The following RBFOX1 variants were observed in gnomAD, a reference collection of about 807,000 sequenced individuals.
The protein encoded by RBFOX1 is RNA binding protein fox-1 homolog 1.
In RBFOX1, 8 loss-of-function variants were observed where a neutral mutation model predicts 57.7. The observed-to-expected ratio is 0.14, with a 90% CI of 0.08 to 0.25. The LOEUF is 0.25. Among genes scored for constraint, RBFOX1 ranks in the 10% least tolerant of loss-of-function variants. RBFOX1 has a pLI of 1.00. For missense variants in RBFOX1, 611 were observed against 548.5 expected, an observed-to-expected ratio of 1.11 and a Z score of -1.14; for synonymous variants, 326 against 222.4, an observed-to-expected ratio of 1.47 and a Z score of -4.15.
At chr16:7,704,968 C>G (rs964177673) in intron 14 of RBFOX1, among the ~76,000 whole-genome samples, 1 of 150,832 alleles carries the variant, frequency 6.6e-6, no homozygotes, top group Admixed American at 6.6e-5. Context: ...CGCTTGAACC[C>G]AGAAGGCAGA....
At chr16:6,594,762 C>T (rs905076826) in intron 2 of RBFOX1, among the ~76,000 whole-genome samples, 7 of 151,946 alleles carry the variant, frequency 4.6e-5, no homozygotes, top group African/African-American at 1.7e-4. Flanking sequence ...ACAAAATTCA[C>T]CTATTTAAAG....
intron 4 of RBFOX1, among the ~76,000 whole-genome samples, chr16:7,412,159 C>G (rs569617778): frequency 3.9e-5 from 6 of 152,118 alleles, no homozygotes; most frequent in African/African-American, 1.4e-4. Flanking sequence ...ATTGGCTGGA[C>G]ACCGTCGCTC....
At chr16:5,397,730 A>C (rs889855844) in intron 1 of RBFOX1, among the ~76,000 whole-genome samples, 1 of 152,246 alleles carries the variant, frequency 6.6e-6, no homozygotes, top group Non-Finnish European at 1.5e-5. Context: ...CACACATGAT[A>C]AGACCATTAA....
At chr16:6,789,075 A>T (rs1015043235) in intron 3 of RBFOX1, among the ~76,000 whole-genome samples, 1 of 152,114 alleles carries the variant, frequency 6.6e-6, no homozygotes, top group Non-Finnish European at 1.5e-5. Context: ...TTGCCTATTA[A>T]ACAGGGAAGC....
intron 3 of RBFOX1, among the ~76,000 whole-genome samples, chr16:6,984,170 C>G (rs1390921921): frequency 6.6e-6 from 1 of 152,092 alleles, no homozygotes; most frequent in East Asian, 1.9e-4. Context: ...TTGCTTGAAC[C>G]CTGGAGGCAG....
intron 2 of RBFOX1, among the ~76,000 whole-genome samples, chr16:6,397,969 G>T (rs116256051): frequency 0.032 from 4,900 of 152,094 alleles, 235 homozygotes; most frequent in African/African-American, 0.11. Flanking sequence ...GAGAAACAAC[G>T]GCATAACAAA....
chr16:7,075,382 G>T (rs113015385), intron 4 of RBFOX1, among the ~76,000 whole-genome samples: 53 of 152,300 alleles, frequency 3.5e-4, no homozygotes, highest in African/African-American at 1.2e-3. Flanking sequence ...TTCAGTTGCT[G>T]TGTTGCCTTG....
intron 1 of RBFOX1, among the ~76,000 whole-genome samples, chr16:5,369,801 C>T (rs560822663): frequency 2.0e-4 from 31 of 152,258 alleles, no homozygotes; most frequent in Admixed American, 4.6e-4. Flanking sequence ...TGCTTCTAGA[C>T]GCTATCATTT....
At chr16:7,401,824 G>T (rs2098249108) in intron 4 of RBFOX1, among the ~76,000 whole-genome samples, 1 of 152,154 alleles carries the variant, frequency 6.6e-6, no homozygotes, top group Non-Finnish European at 1.5e-5. Flanking sequence ...ACCTAGCACA[G>T]GAGGCCAAAA....
At chr16:6,546,919 A>C (rs963617742) in intron 2 of RBFOX1, among the ~76,000 whole-genome samples, 5 of 152,178 alleles carry the variant, frequency 3.3e-5, no homozygotes, top group African/African-American at 1.2e-4. Context: ...ACAGTTTTCA[A>C]ACCCTTAAAT....
At chr16:6,088,490 A>G (rs1211935499) in intron 1 of RBFOX1, among the ~76,000 whole-genome samples, 3 of 151,522 alleles carry the variant, frequency 2.0e-5, no homozygotes, top group Non-Finnish European at 4.4e-5. Flanking sequence ...CCATCCATGC[A>G]TCCTCCCTCC....
At chr16:6,992,703 T>C (rs929342350) in intron 3 of RBFOX1, among the ~76,000 whole-genome samples, 3 of 152,080 alleles carry the variant, frequency 2.0e-5, no homozygotes, top group Non-Finnish European at 4.4e-5. Flanking sequence ...AGAAACCAGC[T>C]AATGATTTTA....
intron 5 of RBFOX1, among the ~76,000 whole-genome samples, chr16:7,532,456 A>T (rs1040215464): frequency 1.3e-5 from 2 of 152,180 alleles, no homozygotes; most frequent in African/African-American, 4.8e-5. Flanking sequence ...TGAGACATTG[A>T]AGCTCTTGAC....
At chr16:5,534,403 C>T (rs1038501551) in intron 2 of RBFOX1, among the ~76,000 whole-genome samples, 7 of 152,110 alleles carry the variant, frequency 4.6e-5, no homozygotes, top group Admixed American at 3.9e-4. Context: ...TGGCTCAGTC[C>T]GAGTCCAGAT....
intron 1 of RBFOX1, among the ~76,000 whole-genome samples, chr16:6,025,793 G>A (rs2095180399): frequency 6.6e-6 from 1 of 152,188 alleles, no homozygotes; most frequent in African/African-American, 2.4e-5. Context: ...GAAGGTTGAG[G>A]TGCAATTTGT....
chr16:5,514,856 G>A (rs144826876), intron 2 of RBFOX1, among the ~76,000 whole-genome samples: 6 of 152,230 alleles, frequency 3.9e-5, no homozygotes, highest in Admixed American at 6.5e-5. Flanking sequence ...TACTATAAAG[G>A]AATACCTGAT....
At chr16:6,184,410 G>A (rs1441386481) in intron 1 of RBFOX1, among the ~76,000 whole-genome samples, 11 of 152,192 alleles carry the variant, frequency 7.2e-5, no homozygotes, top group Admixed American at 3.9e-4. Flanking sequence ...GTGAGAAGTC[G>A]TGGTAAATGG....
At chr16:5,703,099 A>G (rs151274573) in intron 3 of RBFOX1, among the ~76,000 whole-genome samples, 2 of 152,330 alleles carry the variant, frequency 1.3e-5, no homozygotes, top group Admixed American at 1.3e-4. Context: ...AAAAGATGCC[A>G]GGTCTTTGCC....
At chr16:6,497,940 T>G (rs2095817065) in intron 2 of RBFOX1, among the ~76,000 whole-genome samples, 1 of 152,090 alleles carries the variant, frequency 6.6e-6, no homozygotes, top group South Asian at 2.1e-4. Context: ...TAATCACTGT[T>G]ACCCATGTCA....
Sources: gnomAD v4.1 joint callset for allele counts (sites outside exome capture counted in the v4.1 genomes callset) on GRCh38, gnomAD v4.1.1 for gene constraint, MANE v1.5 for transcripts, NCBI Gene and HGNC (gene_info 2026-07-23, HGNC 2026-07-21) for gene names.